KCNQ3: variants seen among roughly 807,000 people sequenced by gnomAD.
The protein encoded by KCNQ3 is potassium voltage-gated channel subfamily KQT member 3.
In KCNQ3, 30 loss-of-function variants were observed where a neutral mutation model predicts 92.5. The ratio of observed to expected loss-of-function variants is 0.32; its 90% CI spans 0.24 to 0.44. The LOEUF is 0.44. Ranked by LOEUF, KCNQ3 falls within the 20% of genes least tolerant of loss-of-function variation. The pLI, the probability that KCNQ3 is intolerant of heterozygous loss-of-function variation, is 1.00. For missense variants in KCNQ3, 913 were observed against 1,140.3 expected (o/e 0.80, Z 2.87); for synonymous variants, 450 against 468.8 (o/e 0.96, Z 0.52).
At chr8:132,401,074 AG>A in intron 1 of KCNQ3, among the ~76,000 whole-genome samples, 1 of 152,336 alleles carries the variant, frequency 6.6e-6, no homozygotes, top group East Asian at 1.9e-4. Flanking sequence ...GGTGAAATCC[AG>A]GAGAGTAGCT....
At chr8:132,273,164 A>C (rs944994751) in intron 1 of KCNQ3, among the ~76,000 whole-genome samples, 2 of 152,240 alleles carry the variant, frequency 1.3e-5, no homozygotes, top group African/African-American at 4.8e-5. Flanking sequence ...GTGCCCTAGC[A>C]GAGGTTATCC....
intron 12 of KCNQ3, among the ~76,000 whole-genome samples, chr8:132,135,976 G>C (rs896326091): frequency 2.0e-5 from 3 of 151,554 alleles, no homozygotes; most frequent in Non-Finnish European, 4.4e-5. Flanking sequence ...AAAATTAGCC[G>C]GGTATGGTGG....
At chr8:132,195,574 C>T (rs1389605584) in intron 1 of KCNQ3, among the ~76,000 whole-genome samples, 1 of 152,104 alleles carries the variant, frequency 6.6e-6, no homozygotes, top group African/African-American at 2.4e-5. Context: ...CGGTACATGC[C>T]TTCCAGTACC....
chr8:132,306,514 T>C (rs1817427987), intron 1 of KCNQ3, among the ~76,000 whole-genome samples: 1 of 152,162 alleles, frequency 6.6e-6, no homozygotes, highest in Non-Finnish European at 1.5e-5. Context: ...CCCGGAAACC[T>C]CAAATGGATC....
At chr8:132,207,133 T>A (rs1207213088) in intron 1 of KCNQ3, among the ~76,000 whole-genome samples, 2 of 152,226 alleles carry the variant, frequency 1.3e-5, no homozygotes, top group African/African-American at 4.8e-5. Flanking sequence ...CCATTGTGCA[T>A]ACAGATTTTC....
chr8:132,166,148 A>G (rs185624367), intron 8 of KCNQ3, among the ~76,000 whole-genome samples: 2 of 152,334 alleles, frequency 1.3e-5, no homozygotes, highest in Admixed American at 6.5e-5. Flanking sequence ...GCTGTCCAAT[A>G]GAGTAGTCAT....
At chr8:132,267,878 A>G (rs1816038520) in intron 1 of KCNQ3, among the ~76,000 whole-genome samples, 1 of 152,166 alleles carries the variant, frequency 6.6e-6, no homozygotes, top group Non-Finnish European at 1.5e-5. Flanking sequence ...CCCCATTCTC[A>G]ATATCCTCAA....
chr8:132,230,005 C>T (rs570951847), intron 1 of KCNQ3, among the ~76,000 whole-genome samples: 1 of 152,248 alleles, frequency 6.6e-6, no homozygotes, highest in South Asian at 2.1e-4. Flanking sequence ...GGGGTCTGAT[C>T]ACTCACTTTT....
chr8:132,302,602 T>C (rs574150229), intron 1 of KCNQ3, among the ~76,000 whole-genome samples: 2 of 152,338 alleles, frequency 1.3e-5, no homozygotes, highest in South Asian at 2.1e-4. Flanking sequence ...GACATGTGGA[T>C]AAGGTCATTT....
rs765814309 is a variant in KCNQ3, at chr8:132,129,523, A to G, written c.2358T>C (p.Ser786=). The change falls in exon 15 of 15, where the codon AGT becomes AGC. Residue 786 remains serine, a synonymous_variant. Coordinates refer to ENST00000388996, the MANE Select transcript of KCNQ3 (RefSeq NM_004519.4). The surrounding 1 kb of genome is among the most constrained non-coding windows in gnomAD (Gnocchi z 5.9). The stretch of plus-strand genomic sequence containing the variant: ...CCGACATCAGGGACAGAGGTGTGTC[A>G]CTGTCTCGCGTGATGCTACGTCTCT... ...PRQRRSITRD[S]DTPLSLMSVN... is the part of the protein sequence containing the mutation. 4 of 1,613,954 alleles carry G rather than the reference A, an allele frequency of 2.5e-6. No individual in the cohort carries two copies. The African/African-American group carries it at 5.3e-5, about 22-fold the overall frequency.
chr8:132,380,931 GAAAAA>G (rs553931640), intron 1 of KCNQ3, among the ~76,000 whole-genome samples: 23 of 87,480 alleles, frequency 2.6e-4, no homozygotes, highest in African/African-American at 7.7e-4. Flanking sequence ...AATGAAAGCA[GAAAAA>G]AAAAAAAAAA....
At position 132,128,515 on chromosome 8, in the gene KCNQ3, G is replaced by A. The variant is rs1824743392; in HGVS notation, c.*747C>T. The A allele has an allele frequency of 6.7e-6, 1 of 148,328 alleles. No individual in the cohort carries two copies. The highest frequency in any genetic ancestry group is 1.5e-5 in the Non-Finnish European group (1 of 67,262). The allele number at this position is 148,328 out of a possible 1,614,324, so 9.2% of individuals were successfully genotyped here. ...CTATTTTAACTTTGTGTATGTGTGT[G>A]TGTGTGTGTGTGTGTGTGTGTGTGT... On this transcript the variant is annotated 3_prime_UTR_variant, in exon 15 of 15. Coordinates refer to ENST00000388996, the MANE Select transcript of KCNQ3 (RefSeq NM_004519.4).
intron 3 of KCNQ3, among the ~76,000 whole-genome samples, chr8:132,183,976 A>C (rs192779989): frequency 9.2e-5 from 14 of 152,154 alleles, no homozygotes; most frequent in Admixed American, 6.5e-4. Flanking sequence ...GCTGCTCCAC[A>C]ACCCAATTGC....
rs1554660855 is a variant in KCNQ3 at position 132,480,521 on chromosome 8, C to T, written c.12G>A (p.Lys4=). Residue 4 remains lysine, a synonymous_variant, in exon 1 of 15, where the codon AAG becomes AAA. Transcript: ENST00000388996. The part of the protein sequence containing the change: MGL[K]ARRAAGAAGG... ...CAGCCGCCCCCGCCGCCCTGCGCGC[C>T]TTGAGCCCCATCTGCCTCGCCCCCG... 1 of 1,228,046 alleles carries T rather than the reference C, an allele frequency of 8.1e-7. No individual in the cohort carries two copies. Among genetic ancestry groups the T allele is most frequent in the Admixed American group, 2.8e-5 (1 of 36,236 alleles). 76.1% of individuals were successfully genotyped at this position (1,228,046 alleles called of 1,614,324 possible). A position where few individuals can be genotyped will look rare whatever the true frequency, so the allele number is the denominator to read the frequency against.
chr8:132,136,397 G>A (rs369236242), intron 12 of KCNQ3, among the ~76,000 whole-genome samples: 17 of 151,946 alleles, frequency 1.1e-4, no homozygotes, highest in African/African-American at 2.9e-4. Context: ...ATAACTGCCC[G>A]TTTTTACAAA....
At chr8:132,306,726 TAGAA>T (rs2130600106) in intron 1 of KCNQ3, among the ~76,000 whole-genome samples, 2 of 152,340 alleles carry the variant, frequency 1.3e-5, no homozygotes, top group African/African-American at 4.8e-5. Flanking sequence ...GCGGTAAACT[TAGAA>T]AGATCAATAT....
chr8:132,395,103 A>T (rs1820159997), intron 1 of KCNQ3, among the ~76,000 whole-genome samples: 1 of 152,206 alleles, frequency 6.6e-6, no homozygotes, highest in African/African-American at 2.4e-5. Flanking sequence ...GTTTTTAAAA[A>T]TTTAATGTAA....
At chr8:132,285,198 C>T (rs954026313) in intron 1 of KCNQ3, among the ~76,000 whole-genome samples, 1 of 152,036 alleles carries the variant, frequency 6.6e-6, no homozygotes, top group South Asian at 2.1e-4. Context: ...GAATAGCAGG[C>T]TGGAAAAAAG....
At chr8:132,403,607 G>T (rs1045013971) in intron 1 of KCNQ3, among the ~76,000 whole-genome samples, 1 of 152,184 alleles carries the variant, frequency 6.6e-6, no homozygotes. Context: ...TGGGAAGATG[G>T]TGAACTGTGA....
Sources: gnomAD v4.1 joint callset for allele counts (sites outside exome capture counted in the v4.1 genomes callset) on GRCh38, gnomAD v4.1.1 for gene constraint, Gnocchi (gnomAD v3.1) non-coding constraint, MANE v1.5 for transcripts, NCBI Gene and HGNC (gene_info 2026-07-23, HGNC 2026-07-21) for gene names.